The following OSBPL8 variants were observed in gnomAD, a reference collection of about 807,000 sequenced individuals.
The protein encoded by OSBPL8 is oxysterol-binding protein-related protein 8.
In OSBPL8, 59 loss-of-function variants were observed where a neutral mutation model predicts 125.5. That is an observed-to-expected ratio of 0.47 (90% confidence interval 0.38 to 0.58). The LOEUF (loss-of-function observed/expected upper bound fraction) is 0.58. Among genes scored for constraint, OSBPL8 ranks in the 20% least tolerant of loss-of-function variants. The pLI is 0.00. For missense variants in OSBPL8, 758 were observed against 1,047.8 expected (o/e 0.72, Z 3.82); for synonymous variants, 330 against 338.9 (o/e 0.97, Z 0.29).
intron 4 of OSBPL8, among the ~76,000 whole-genome samples, chr12:76,428,623 T>C (rs1420322951): frequency 6.6e-6 from 1 of 151,812 alleles, no homozygotes; most frequent in Non-Finnish European, 1.5e-5. Context: ...GCAGGATGAG[T>C]TCGAGAAAGA....
intron 1 of OSBPL8, among the ~76,000 whole-genome samples, chr12:76,550,042 T>G (rs1022648949): frequency 7.7e-6 from 1 of 129,726 alleles, no homozygotes; most frequent in Non-Finnish European, 1.5e-5. Flanking sequence ...TACAGACAAA[T>G]ACAGATAAAT....
intron 1 of OSBPL8, among the ~76,000 whole-genome samples, chr12:76,547,427 C>A (rs1371005665): frequency 6.6e-6 from 1 of 151,750 alleles, no homozygotes; most frequent in African/African-American, 2.4e-5. Context: ...ACAAAAAATA[C>A]AAAACAATAA....
At chr12:76,379,099 G>A (rs1443081523) in intron 15 of OSBPL8, among the ~76,000 whole-genome samples, 1 of 152,024 alleles carries the variant, frequency 6.6e-6, no homozygotes, top group African/African-American at 2.4e-5. Flanking sequence ...TTTTATGAGA[G>A]TTACAAGAAA....
At chr12:76,411,193 T>C (rs1954499946) in intron 4 of OSBPL8, among the ~76,000 whole-genome samples, 1 of 152,174 alleles carries the variant, frequency 6.6e-6, no homozygotes, top group Non-Finnish European at 1.5e-5. Flanking sequence ...AAAGGATGAA[T>C]CTTAAATACA....
chr12:76,513,437 C>T (rs1197552822), intron 1 of OSBPL8, among the ~76,000 whole-genome samples: 1 of 152,208 alleles, frequency 6.6e-6, no homozygotes. Context: ...AGAGGCCTGT[C>T]AGATCCATTT....
At position 76,397,730 on chromosome 12, in the gene OSBPL8, A is replaced by G; in HGVS notation, c.636T>C (p.Leu212=). The G allele has an allele frequency of 6.2e-7, 1 of 1,614,092 alleles. No homozygotes were observed. The change falls in exon 8 of 24, where the codon CTT becomes CTC. Residue 212 remains leucine (L), a synonymous_variant. Coordinates refer to ENST00000261183, the MANE Select transcript of OSBPL8 (RefSeq NM_020841.5). The stretch of plus-strand genomic sequence containing the variant: ...AAATAGATTGCTCCAAAGGATGGAA[A>G]AGTTTGAAACAAAAGCCATCCTTTT... ...PSKKDGFCFK[L]FHPLEQSIWA...
At chr12:76,364,598 A>G (rs1309753183) in intron 21 of OSBPL8, among the ~76,000 whole-genome samples, 5 of 152,198 alleles carry the variant, frequency 3.3e-5, no homozygotes, top group African/African-American at 1.2e-4. Context: ...GTGTCTACCT[A>G]TGTAACAAAC....
intron 1 of OSBPL8, among the ~76,000 whole-genome samples, chr12:76,545,892 G>A (rs1170103574): frequency 6.6e-6 from 1 of 152,098 alleles, no homozygotes; most frequent in African/African-American, 2.4e-5. Context: ...ACGTGACAAG[G>A]AAAAAATTCT....
intron 1 of OSBPL8, among the ~76,000 whole-genome samples, chr12:76,503,321 G>A (rs1310499545): frequency 6.6e-6 from 1 of 152,174 alleles, no homozygotes; most frequent in East Asian, 1.9e-4. Flanking sequence ...TTCTCCCAGA[G>A]ATTTCACATG....
chr12:76,385,322 C>T (rs1480552144), intron 14 of OSBPL8, among the ~76,000 whole-genome samples: 1 of 152,040 alleles, frequency 6.6e-6, no homozygotes, highest in Non-Finnish European at 1.5e-5. Context: ...AAGAGAATGT[C>T]GTATTCCTCA....
intron 7 of OSBPL8, 101 bp downstream of exon 7, chr12:76,399,772 G>A (rs991796324): frequency 2.7e-6 from 2 of 729,980 alleles, no homozygotes; most frequent in East Asian, 2.8e-5. Context: ...AATCATTTTA[G>A]GAGCTGTTTT....
chr12:76,380,816 T>G (rs575342116), intron 15 of OSBPL8, among the ~76,000 whole-genome samples: 1 of 152,290 alleles, frequency 6.6e-6, no homozygotes, highest in East Asian at 1.9e-4. Context: ...CATCCTTGCC[T>G]TGTTCTTGAT....
intron 5 of OSBPL8, among the ~76,000 whole-genome samples, chr12:76,408,724 T>C (rs1439376216): frequency 6.6e-6 from 1 of 152,112 alleles, no homozygotes; most frequent in African/African-American, 2.4e-5. Flanking sequence ...TTTAATTAAT[T>C]TAAGGATCCA....
intron 10 of OSBPL8, 74 bp downstream of exon 10, chr12:76,392,507 C>A: frequency 7.1e-7 from 1 of 1,405,726 alleles, no homozygotes; most frequent in Non-Finnish European, 9.7e-7. Context: ...TACTAAAATT[C>A]TAGGCCTGCC....
chr12:76,556,317 A>G (rs560445478), intron 1 of OSBPL8, among the ~76,000 whole-genome samples: 30 of 152,096 alleles, frequency 2.0e-4, no homozygotes, highest in African/African-American at 7.0e-4. Context: ...TAGGACTAGG[A>G]TTTCTTCCCT....
At chr12:76,544,031 G>A (rs1345251289) in intron 1 of OSBPL8, among the ~76,000 whole-genome samples, 3 of 152,042 alleles carry the variant, frequency 2.0e-5, no homozygotes, top group Non-Finnish European at 4.4e-5. Flanking sequence ...GCACCAACAC[G>A]TGGGAAACAG....
chr12:76,440,021 T>C (rs1044001431), intron 4 of OSBPL8, among the ~76,000 whole-genome samples: 3 of 152,208 alleles, frequency 2.0e-5, no homozygotes, highest in African/African-American at 4.8e-5. Flanking sequence ...ATTCTTTTTC[T>C]AGTTCATTAC....
chr12:76,371,739 A>G (rs1468693780), intron 18 of OSBPL8, 155 bp from the exon 19 acceptor site: 3 of 608,160 alleles, frequency 4.9e-6, no homozygotes, highest in Non-Finnish European at 7.2e-6. Context: ...AAAAACTCCA[A>G]GTTTCTTATC....
chr12:76,468,898 G>A lies in OSBPL8; in HGVS notation c.43-9003C>T, dbSNP rs547175089. Among the ~76,000 whole-genome samples, 5 of 152,308 alleles carry A rather than the reference G, an allele frequency of 3.3e-5. No individual in the cohort carries two copies. The East Asian group carries it at 9.6e-4, about 29-fold the overall frequency. ...CATGTAGCTATTGAAATCTTGAAAT[G>A]TGGCTAGTAAAACTAAGGAAGAACT... On this transcript the variant is annotated intron_variant, in intron 2 of 23. Coordinates refer to ENST00000261183, the MANE Select transcript of OSBPL8 (RefSeq NM_020841.5).
Sources: allele counts gnomAD v4.1 joint callset (sites outside exome capture counted in the v4.1 genomes callset), GRCh38; gene constraint gnomAD v4.1.1; transcripts MANE v1.5; gene names NCBI Gene and HGNC (gene_info 2026-07-23, HGNC 2026-07-21).